Variants in AIG1 observed in about 807,000 individuals in gnomAD.
AIG1 encodes androgen-induced gene 1 protein.
A neutral mutation model predicts 31.4 loss-of-function variants in AIG1; 23 were observed. The observed-to-expected ratio is 0.73, with a 90% CI of 0.53 to 1.04. The LOEUF is 1.04. AIG1 is among the 50% of genes least tolerant of loss of function. AIG1 has a pLI of 0.00. For synonymous variants in AIG1, 100 were observed against 110.5 expected (o/e 0.90, Z 0.60); for missense variants, 274 against 295.0 (o/e 0.93, Z 0.52).
intron 3 of AIG1, chr6:143,190,570 A>T (rs922367766): frequency 1.2e-4 from 119 of 985,310 alleles, no homozygotes; most frequent in Non-Finnish European, 1.4e-4. Context: ...GTATGTGAAT[A>T]AACTATGAAG....
chr6:143,235,332 C>T (rs1441299044), intron 3 of AIG1, among the ~76,000 whole-genome samples: 5 of 151,950 alleles, frequency 3.3e-5, no homozygotes, highest in African/African-American at 1.2e-4. Context: ...TGAGGACATA[C>T]GTGTTTCTGT....
chr6:143,101,734 A>G (rs1173744648), intron 1 of AIG1, among the ~76,000 whole-genome samples: 1 of 152,182 alleles, frequency 6.6e-6, no homozygotes, highest in Non-Finnish European at 1.5e-5. Context: ...GGGTGCACCA[A>G]AATCTCACAA....
chr6:143,218,695 C>T (rs1210511598), intron 3 of AIG1, among the ~76,000 whole-genome samples: 3 of 152,062 alleles, frequency 2.0e-5, no homozygotes, highest in African/African-American at 4.8e-5. Flanking sequence ...TAAAAATGGG[C>T]GTCACAGCAC....
chr6:143,106,976 C>T (rs1780862541), intron 1 of AIG1, among the ~76,000 whole-genome samples: 1 of 152,126 alleles, frequency 6.6e-6, no homozygotes, highest in African/African-American at 2.4e-5. Flanking sequence ...TAATCACTTC[C>T]CAAAGCTCCA....
intron 5 of AIG1, chr6:143,339,387 G>A (rs1187032722): frequency 3.1e-6 from 1 of 325,620 alleles, no homozygotes; most frequent in Non-Finnish European, 5.6e-6. Context: ...TAGGAGCTGG[G>A]TGTGTCCCAG....
intron 1 of AIG1, among the ~76,000 whole-genome samples, chr6:143,128,396 C>T (rs1416811362): frequency 1.3e-5 from 2 of 151,802 alleles, no homozygotes; most frequent in Admixed American, 1.3e-4. Context: ...CAAAGTAATC[C>T]TGGGATTTTT....
At chr6:143,185,202 A>AG (rs1789138207) in intron 3 of AIG1, among the ~76,000 whole-genome samples, 1 of 151,658 alleles carries the variant, frequency 6.6e-6, no homozygotes, top group Middle Eastern at 3.4e-3. Flanking sequence ...CTCAAAAAAA[A>AG]AAAAAAAATT....
At chr6:143,218,091 T>C (rs1402210725) in intron 3 of AIG1, among the ~76,000 whole-genome samples, 2 of 152,222 alleles carry the variant, frequency 1.3e-5, no homozygotes, top group Non-Finnish European at 2.9e-5. Flanking sequence ...CGAATTCACT[T>C]ACTTGTCTTT....
intron 3 of AIG1, among the ~76,000 whole-genome samples, chr6:143,255,826 A>T (rs375452582): frequency 4.0e-4 from 61 of 152,336 alleles, no homozygotes; most frequent in African/African-American, 1.4e-3. Flanking sequence ...GTGATGTTAT[A>T]TGCTAATCCT....
At chr6:143,112,602 A>G (rs1781382247) in intron 1 of AIG1, among the ~76,000 whole-genome samples, 1 of 152,220 alleles carries the variant, frequency 6.6e-6, no homozygotes, top group Non-Finnish European at 1.5e-5. Context: ...CAGTTTGACA[A>G]GTACCAGATG....
At chr6:143,319,568 A>G (rs894887195) in intron 4 of AIG1, among the ~76,000 whole-genome samples, 1 of 152,222 alleles carries the variant, frequency 6.6e-6, no homozygotes, top group Non-Finnish European at 1.5e-5. Context: ...AGAAATCACC[A>G]CAAAAGAACT....
intron 1 of AIG1, among the ~76,000 whole-genome samples, chr6:143,079,866 G>A (rs541938442): frequency 6.1e-4 from 93 of 151,286 alleles, no homozygotes; most frequent in Non-Finnish European, 8.1e-4. Flanking sequence ...CCCAAAGGGG[G>A]TTGCCACTCC....
At chr6:143,332,016 C>T (rs9399440) in intron 4 of AIG1, among the ~76,000 whole-genome samples, 73,905 of 151,160 alleles carry the variant, frequency 0.49, 18,635 homozygotes, top group South Asian at 0.65. Context: ...GGATTACAGG[C>T]GCGCACCACC....
chr6:143,187,331 A>G, intron 3 of AIG1: 1 of 1,397,234 alleles, frequency 7.2e-7, no homozygotes. Flanking sequence ...TGAACTAATC[A>G]GACCACAGAT....
At chr6:143,082,115 A>G (rs1778317074) in intron 1 of AIG1, among the ~76,000 whole-genome samples, 1 of 152,306 alleles carries the variant, frequency 6.6e-6, no homozygotes, top group Non-Finnish European at 1.5e-5. Flanking sequence ...CTGCATGGGC[A>G]TGGAGGACTA....
chr6:143,170,840 A>G (rs924698558), intron 3 of AIG1, among the ~76,000 whole-genome samples: 11 of 151,462 alleles, frequency 7.3e-5, no homozygotes, highest in African/African-American at 2.7e-4. Flanking sequence ...TATTCATGTA[A>G]CTAGACACCA....
chr6:143,269,838 G>A (rs1796388702), intron 3 of AIG1, among the ~76,000 whole-genome samples: 1 of 152,234 alleles, frequency 6.6e-6, no homozygotes, highest in Non-Finnish European at 1.5e-5. Context: ...ACAAGAAGAA[G>A]TCTGAAGGGG....
intron 1 of AIG1, among the ~76,000 whole-genome samples, chr6:143,078,743 G>A (rs1220071839): frequency 6.6e-6 from 1 of 152,070 alleles, no homozygotes; most frequent in East Asian, 1.9e-4. Context: ...TCTCCCACTG[G>A]GTCCCTCCCA....
chr6:143,218,325 A>T (rs930680789), intron 3 of AIG1, among the ~76,000 whole-genome samples: 9 of 152,332 alleles, frequency 5.9e-5, no homozygotes, highest in African/African-American at 2.2e-4. Context: ...TGCCAGCATT[A>T]ATTAACCAAA....
Sources: allele counts gnomAD v4.1 joint callset (sites outside exome capture counted in the v4.1 genomes callset), GRCh38; gene constraint gnomAD v4.1.1; transcripts MANE v1.5; gene names NCBI Gene and HGNC (gene_info 2026-07-23, HGNC 2026-07-21).